IL17REL: variants seen among roughly 807,000 people sequenced by gnomAD.
The protein encoded by IL17REL is interleukin-17 receptor E-like protein.
A neutral mutation model predicts 49.0 loss-of-function variants in IL17REL; 36 were observed. The ratio of observed to expected loss-of-function variants is 0.73; its 90% CI spans 0.56 to 0.97. The LOEUF (loss-of-function observed/expected upper bound fraction) is 0.97, where lower values mean the gene tolerates loss of function less well. Among genes scored for constraint, IL17REL ranks in the 50% least tolerant of loss-of-function variants. The pLI is 0.00. For synonymous variants in IL17REL, 206 were observed against 192.4 expected (o/e 1.07, Z -0.58); for missense variants, 470 against 453.9 (o/e 1.04, Z -0.32).
rs939254640 is a variant in IL17REL, at chr22:49,996,182, C to T, written c.*723G>A. 5.9e-5 allele frequency: 9 copies of T among 152,378 alleles called. No individual in the cohort carries two copies. In the East Asian group the frequency reaches 1.2e-3, roughly 20 times the overall value. 9.4% of individuals were successfully genotyped at this position (152,378 alleles called of 1,614,324 possible). A position where few individuals can be genotyped will look rare whatever the true frequency, so the allele number is the denominator to read the frequency against. ...ACCCCTGCCTGGCCCACTGGTGCTCCCTGGAAAGGGTCTCCAGAGGCCCTG... is the reference window on the plus strand; with the variant it reads ...ACCCCTGCCTGGCCCACTGGTGCTCTCTGGAAAGGGTCTCCAGAGGCCCTG... On this transcript the variant is annotated 3_prime_UTR_variant, in exon 13 of 13. Transcript: ENST00000341280.
chr22:50,007,367 ATTTG>A (rs1205232563), intron 1 of IL17REL, among the ~76,000 whole-genome samples: 1 of 152,028 alleles, frequency 6.6e-6, no homozygotes, highest in Admixed American at 6.6e-5. Context: ...TTTATCTTTT[ATTTG>A]TTTATTTATG....
upstream of IL17REL, among the ~76,000 whole-genome samples, chr22:50,010,004 C>CGGCAGTCAGTGACCCTCTGTCTGGT (rs2061130289): frequency 1.1e-4 from 1 of 9,188 alleles, no homozygotes; most frequent in Non-Finnish European, 2.3e-4. Context: ...TGTGGAATCA[C>CGGCAGTCAGTGACCCTCTGTCTGGT]GTGCTACTAG....
At chr22:49,999,934 C>T in exon 5 of IL17REL, 1 of 1,530,982 alleles carries the variant, frequency 6.5e-7, no homozygotes, top group Non-Finnish European at 8.8e-7. Context: ...AATCGCCTTG[C>T]GCCTCCGGTC....
chr22:49,994,194 T>A (rs926049255), downstream of IL17REL, among the ~76,000 whole-genome samples: 1 of 152,036 alleles, frequency 6.6e-6, no homozygotes, highest in African/African-American at 2.4e-5. Context: ...TCCCTGCCCC[T>A]GGTGCTCAAA....
chr22:49,999,433 C>G lies in IL17REL; in HGVS notation c.544G>C (p.Glu182Gln), dbSNP rs368928921. Residue 182 changes from glutamate to glutamine, a missense_variant and splice_region_variant, in exon 6 of 13, where the codon GAG becomes CAG. Coordinates refer to ENST00000341280, the Ensembl canonical transcript of IL17REL. ...GTCCAGGCCACACCTCCACCGACCT[C>G]CAGGCACAGGCACGGCAGCTCCTGG... 7 of 1,612,364 alleles carry G rather than the reference C, an allele frequency of 4.3e-6. No individual in the cohort carries two copies. Among genetic ancestry groups the G allele is most frequent in the Non-Finnish European group, 5.9e-6 (7 of 1,179,814 alleles).
upstream of IL17REL, among the ~76,000 whole-genome samples, chr22:50,010,182 G>A (rs2061131475): frequency 1.3e-5 from 2 of 152,358 alleles, no homozygotes; most frequent in African/African-American, 4.8e-5. Flanking sequence ...GAAACCCGCC[G>A]CCCGTGGGCG....
At chr22:50,010,560 C>T (rs2061133933), upstream of IL17REL, among the ~76,000 whole-genome samples, 1 of 152,248 alleles carries the variant, frequency 6.6e-6, no homozygotes, top group Non-Finnish European at 1.5e-5. Flanking sequence ...CTCCCCGCAT[C>T]CACCTTCAGG....
In IL17REL at chr22:50,000,465, C is replaced by T. The variant is rs899959601; in HGVS notation, c.334+13G>A. On this transcript the variant is annotated intron_variant, in intron 4 of 12. Coordinates refer to ENST00000341280, the Ensembl canonical transcript of IL17REL. ...GAACGGTAGCTGTGCTCAGGGGGCC[C>T]TGGGGACCCTACCTTCCACGAGGTG... The T allele has an allele frequency of 1.3e-6, 2 of 1,599,730 alleles. No homozygotes were observed. Among genetic ancestry groups the T allele is most frequent in the African/African-American group, 2.7e-5 (2 of 74,670 alleles).
intron 7 of IL17REL, among the ~76,000 whole-genome samples, chr22:49,998,557 G>A (rs909552013): frequency 4.7e-5 from 7 of 150,472 alleles, no homozygotes; most frequent in Admixed American, 6.6e-5. Context: ...ATGGGTGTGC[G>A]TGAGTGTGCC....
upstream of IL17REL, among the ~76,000 whole-genome samples, chr22:50,009,522 C>T (rs1255257802): frequency 2.6e-5 from 4 of 152,142 alleles, no homozygotes; most frequent in Admixed American, 1.3e-4. Context: ...AGTCCAGGCC[C>T]CCTGGGGGCG....
intron 7 of IL17REL, 129 bp from the exon 10 acceptor site, chr22:49,998,438 T>G: frequency 2.4e-6 from 2 of 849,928 alleles, no homozygotes; most frequent in Non-Finnish European, 3.6e-6. Flanking sequence ...CTCTGAGCCC[T>G]GGCTCAAGGC....
chr22:49,996,863 G>T lies in IL17REL; in HGVS notation c.*45-3C>A. The T allele has an allele frequency of 1.7e-6, 1 of 589,180 alleles. No individual in the cohort carries two copies. The highest frequency in any genetic ancestry group is 3.0e-5 in the East Asian group (1 of 33,408). The allele number at this position is 589,180 out of a possible 1,614,324, so 36.5% of individuals were successfully genotyped here. ...AAGTGTACATCGGTCCTCCAGCCCT[G>T]CAGGCATAAGGCAGCTCCGTCAACA... is the stretch of plus-strand genomic sequence containing the variant. On this transcript the variant is annotated splice_region_variant and splice_polypyrimidine_tract_variant and intron_variant, in intron 12 of 12. Transcript: ENST00000341280.
chr22:49,999,400 C>T (rs1303062085), intron 6 of IL17REL, 31 bp downstream of exon 8: 13 of 1,612,704 alleles, frequency 8.1e-6, no homozygotes, highest in South Asian at 1.1e-5. Context: ...TCCCCTCACC[C>T]GCCCCAAGTC....
At chr22:50,012,065 C>G (rs1031479780), upstream of IL17REL, among the ~76,000 whole-genome samples, 25 of 132,036 alleles carry the variant, frequency 1.9e-4, no homozygotes, top group African/African-American at 6.3e-4. Context: ...GATGAAGCGC[C>G]CTCTCCTGTA....
upstream of IL17REL, among the ~76,000 whole-genome samples, chr22:50,009,352 A>C (rs771462726): frequency 1.4e-4 from 21 of 152,278 alleles, no homozygotes; most frequent in Admixed American, 2.6e-4. Context: ...ACTTGTGGCC[A>C]GGCTCCCACG....
rs2061049289 is a variant in IL17REL at position 49,998,206 on chromosome 22, C to G, written c.705G>C (p.Leu235=). The change falls in exon 8 of 13, where the codon CTG becomes CTC. Residue 235 remains leucine (L), a synonymous_variant. Transcript: ENST00000341280. ...CGGCCCCCGGCCCCGGGCGCCAGCA[C>G]AGGCTCACATGGCCACTCACAGGGC... 1.9e-6 allele frequency: 3 copies of G among 1,612,314 alleles called. 1 individual carries two copies. In the South Asian group the frequency reaches 3.3e-5, roughly 18 times the overall value.
chr22:49,999,440 C>T, exon 6 of IL17REL: 3 of 1,612,248 alleles, frequency 1.9e-6, no homozygotes, highest in Non-Finnish European at 2.5e-6. Flanking sequence ...CCTCCAGGCA[C>T]AGGCACGGCA....
At chr22:49,998,880 T>G (rs2061055445) in intron 7 of IL17REL, among the ~76,000 whole-genome samples, 1 of 150,704 alleles carries the variant, frequency 6.6e-6, no homozygotes, top group Non-Finnish European at 1.5e-5. Flanking sequence ...CATGGGTGTC[T>G]GTGCATGTGT....
At chr22:50,010,815 G>A (rs1222261755), upstream of IL17REL, among the ~76,000 whole-genome samples, 1 of 4,042 alleles carries the variant, frequency 2.5e-4, no homozygotes, top group African/African-American at 1.3e-3. Context: ...GGGGGGAGCG[G>A]GGGCGGGGGG....
Sources: allele counts gnomAD v4.1 joint callset (sites outside exome capture counted in the v4.1 genomes callset), GRCh38; gene constraint gnomAD v4.1.1; transcripts MANE v1.5; gene names NCBI Gene and HGNC (gene_info 2026-07-23, HGNC 2026-07-21).